PTPRC: variants seen among roughly 807,000 people sequenced by gnomAD.
The protein encoded by PTPRC is protein tyrosine phosphatase receptor type C, also known as receptor-type tyrosine-protein phosphatase C.
A neutral mutation model predicts 155.9 loss-of-function variants in PTPRC; 44 were observed. The observed-to-expected ratio is 0.28, with a 90% CI of 0.22 to 0.36. The LOEUF (loss-of-function observed/expected upper bound fraction) is 0.36, where lower values mean the gene tolerates loss of function less well. PTPRC is among the 10% of genes least tolerant of loss of function. The probability of loss-of-function intolerance (pLI) is 1.00; values close to 1 mark genes in which losing one functional copy is unlikely to be tolerated. For synonymous variants in PTPRC, 525 were observed against 533.1 expected (o/e 0.98, Z 0.21); for missense variants, 1,401 against 1,564.6 (o/e 0.90, Z 1.76).
chr1:198,650,538 A>G (rs1468347173), intron 2 of PTPRC, among the ~76,000 whole-genome samples: 1 of 151,874 alleles, frequency 6.6e-6, no homozygotes, highest in Non-Finnish European at 1.5e-5. Flanking sequence ...GGGATGGGAA[A>G]GAGCCAAATT....
chr1:198,753,004 T>C (rs1383737292), intron 31 of PTPRC, among the ~76,000 whole-genome samples: 1 of 152,106 alleles, frequency 6.6e-6, no homozygotes, highest in Non-Finnish European at 1.5e-5. Flanking sequence ...ATACTTGGTG[T>C]CATGTCATCT....
intron 15 of PTPRC, among the ~76,000 whole-genome samples, chr1:198,726,840 C>T (rs1654155043): frequency 2.0e-5 from 3 of 148,734 alleles, no homozygotes; most frequent in African/African-American, 2.4e-5. Context: ...GTTCACTTAC[C>T]TTTCTTTTTT....
intron 12 of PTPRC, 122 bp downstream of exon 12, chr1:198,713,194 T>C: frequency 7.3e-7 from 1 of 1,366,444 alleles, no homozygotes. Context: ...AGGCATAGTA[T>C]ACTCCCTGAT....
rs1403160444 is a variant in PTPRC at position 198,755,914 on chromosome 1, T to C, written c.3654T>C (p.Tyr1218=). 1 of 1,610,130 alleles carries C rather than the reference T, an allele frequency of 6.2e-7. No homozygotes were observed. Among genetic ancestry groups the C allele is most frequent in the Admixed American group, 1.7e-5 (1 of 59,892 alleles). The change falls in exon 33 of 33, where the codon TAT becomes TAC. Residue 1218 remains tyrosine, a synonymous_variant. Transcript: ENST00000442510. Reference sequence around the variant, plus strand: ...CTTAATTCCTTTACTAGGAGCAATATCAATTCCTATATGACGTCATTGCCA... The same window carrying C: ...CTTAATTCCTTTACTAGGAGCAATACCAATTCCTATATGACGTCATTGCCA... ...RPGMVSTFEQ[Y]QFLYDVIAST...
rs1447412420 is a variant in PTPRC at position 198,642,912 on chromosome 1, CT to C, written c.73+3574del. ...TTTTCTTTTCTTTCTTTCTTCCTTT[CT>C]TTCTTTCTTTCTTTCTTTCTTTCTT... On this transcript the variant is annotated intron_variant, in intron 2 of 32. Coordinates refer to ENST00000442510, the MANE Select transcript of PTPRC (RefSeq NM_002838.5). Among the ~76,000 whole-genome samples, 324 of 133,762 alleles carry C rather than the reference CT, an allele frequency of 2.4e-3. 2 individuals carry two copies. The highest frequency in any genetic ancestry group is 4.2e-3 in the Non-Finnish European group (256 of 61,636). The allele number at this position is 133,762 out of a possible 152,430, so 87.8% of individuals were successfully genotyped here. A position where few individuals can be genotyped will look rare whatever the true frequency, so the allele number is the denominator to read the frequency against.
At chr1:198,713,626 C>A (rs561644717) in intron 12 of PTPRC, among the ~76,000 whole-genome samples, 3 of 152,122 alleles carry the variant, frequency 2.0e-5, no homozygotes, top group South Asian at 2.1e-4. Context: ...AAGAAATGTG[C>A]TATGACTAGT....
intron 32 of PTPRC, among the ~76,000 whole-genome samples, chr1:198,754,645 A>G (rs940746839): frequency 6.6e-6 from 1 of 152,070 alleles, no homozygotes; most frequent in Non-Finnish European, 1.5e-5. Context: ...GTGACAGTTC[A>G]TGAAGAGCCT....
intron 20 of PTPRC, among the ~76,000 whole-genome samples, chr1:198,733,913 A>G (rs1476153598): frequency 2.6e-5 from 4 of 151,854 alleles, no homozygotes; most frequent in Non-Finnish European, 4.4e-5. Flanking sequence ...GTAAATTACC[A>G]CAGCATCGCA....
chr1:198,709,589 A>G, intron 10 of PTPRC, 98 bp from the exon 11 acceptor site: 1 of 1,067,406 alleles, frequency 9.4e-7, no homozygotes, highest in Non-Finnish European at 1.3e-6. Context: ...TCAATCTGAT[A>G]AATATTAAAT....
chr1:198,729,111 GAA>G (rs1290528682), intron 16 of PTPRC, 24 bp from the exon 17 acceptor site: 1 of 1,608,090 alleles, frequency 6.2e-7, no homozygotes, highest in Non-Finnish European at 8.5e-7. Context: ...TGAGAATATA[GAA>G]ACTTATTTTT....
intron 6 of PTPRC, 91 bp downstream of exon 6, chr1:198,702,621 A>T: frequency 6.5e-7 from 1 of 1,534,056 alleles, no homozygotes; most frequent in South Asian, 1.1e-5. Context: ...TTTGTGCCAG[A>T]TATTATTTGT....
At chr1:198,711,912 C>G (rs970640431) in intron 11 of PTPRC, among the ~76,000 whole-genome samples, 5 of 152,122 alleles carry the variant, frequency 3.3e-5, no homozygotes. Context: ...TAAAACAACA[C>G]TGAGATGATA....
At chr1:198,719,967 T>G (rs374262942) in intron 14 of PTPRC, among the ~76,000 whole-genome samples, 1 of 152,270 alleles carries the variant, frequency 6.6e-6, no homozygotes. Context: ...TTGATTTTGT[T>G]TTTGAACTGG....
intron 7 of PTPRC, 59 bp from the exon 8 acceptor site, chr1:198,704,413 A>G: frequency 6.2e-7 from 1 of 1,611,434 alleles, no homozygotes; most frequent in Non-Finnish European, 8.5e-7. Context: ...CCCAAAAATG[A>G]CATGGCAGAT....
chr1:198,711,433 T>C (rs752345885), intron 11 of PTPRC, among the ~76,000 whole-genome samples: 17 of 152,068 alleles, frequency 1.1e-4, no homozygotes, highest in Non-Finnish European at 2.1e-4. Context: ...GGTATCTCTG[T>C]AGAAAAAAAA....
Position 198,756,531 on chromosome 1 carries a change from G to T in PTPRC, c.*350G>T. ...ATCTAAAAGCTTTTGCTTTTCCTTT[G>T]TTTTTATGAAGAAAAAATACATTTT... On this transcript the variant is annotated 3_prime_UTR_variant, in exon 33 of 33. Transcript: ENST00000442510. 5.0e-6 allele frequency: 1 copy of T among 200,630 alleles called. No homozygotes were observed. Among genetic ancestry groups the T allele is most frequent in the Non-Finnish European group, 1.0e-5 (1 of 97,824 alleles). 12.4% of individuals were successfully genotyped at this position (200,630 alleles called of 1,614,324 possible).
chr1:198,678,116 G>C lies in PTPRC; in HGVS notation c.74-14231G>C, dbSNP rs562045958. ...GAGTTTCAAAATTATATTGCTCAAA[G>C]TATTTTTACTGTGGAACCATAGGCA... is the stretch of plus-strand genomic sequence containing the variant. On this transcript the variant is annotated intron_variant, in intron 2 of 32. Coordinates refer to ENST00000442510, the MANE Select transcript of PTPRC (RefSeq NM_002838.5). Among the ~76,000 whole-genome samples the C allele has an allele frequency of 3.9e-5, 6 of 152,268 alleles. No homozygotes were observed. The East Asian group carries it at 1.2e-3, about 29-fold the overall frequency.
At chr1:198,722,361 T>C in intron 14 of PTPRC, 55 bp from the exon 15 acceptor site, 2 of 771,920 alleles carry the variant, frequency 2.6e-6, no homozygotes, top group South Asian at 2.7e-5. Flanking sequence ...TATATATATA[T>C]ATATAAATTC....
chr1:198,752,536 A>T, intron 30 of PTPRC, 58 bp from the exon 31 acceptor site: 1 of 1,564,280 alleles, frequency 6.4e-7, no homozygotes, highest in Non-Finnish European at 8.8e-7. Flanking sequence ...ATGACTATCA[A>T]ATTAGAAAAT....
Sources: gnomAD v4.1 joint callset for allele counts (sites outside exome capture counted in the v4.1 genomes callset) on GRCh38, gnomAD v4.1.1 for gene constraint, MANE v1.5 for transcripts, NCBI Gene and HGNC (gene_info 2026-07-23, HGNC 2026-07-21) for gene names.